CADM1: variants seen among roughly 807,000 people sequenced by gnomAD.
CADM1 encodes the protein cell adhesion molecule 1, also known as TSLC-1.
In CADM1, 15 loss-of-function variants were observed where a neutral mutation model predicts 53.1. The observed-to-expected ratio is 0.28, with a 90% CI of 0.19 to 0.44. The LOEUF is 0.44. CADM1 is among the 20% of genes least tolerant of loss of function. The probability of loss-of-function intolerance (pLI) is 1.00; values close to 1 mark genes in which losing one functional copy is unlikely to be tolerated. For synonymous variants in CADM1, 281 were observed against 243.0 expected (o/e 1.16, Z -1.45); for missense variants, 434 against 611.3 (o/e 0.71, Z 3.06).
chr11:115,382,891 C>T (rs900289586), intron 1 of CADM1, among the ~76,000 whole-genome samples: 3 of 152,010 alleles, frequency 2.0e-5, no homozygotes, highest in African/African-American at 7.3e-5. Flanking sequence ...TAGAGTGAAA[C>T]AAACCAAGTC....
intron 1 of CADM1, among the ~76,000 whole-genome samples, chr11:115,262,374 T>C (rs1474862608): frequency 1.3e-5 from 2 of 152,210 alleles, no homozygotes; most frequent in Admixed American, 1.3e-4. Flanking sequence ...GTTCGTCCCA[T>C]AGAAAACACT....
chr11:115,224,457 T>C (rs1941525373), intron 5 of CADM1, among the ~76,000 whole-genome samples: 1 of 152,182 alleles, frequency 6.6e-6, no homozygotes, highest in African/African-American at 2.4e-5. Context: ...CACCCATTTC[T>C]AGAGTCTTTG....
chr11:115,190,774 T>C (rs1306757106), intron 10 of CADM1, 114 bp downstream of exon 10: 2 of 826,002 alleles, frequency 2.4e-6, no homozygotes, highest in Middle Eastern at 2.2e-4. Flanking sequence ...TTGTTTTTTG[T>C]TAGTCTCAAA....
intron 1 of CADM1, among the ~76,000 whole-genome samples, chr11:115,269,303 G>A (rs555573041): frequency 3.0e-4 from 45 of 152,172 alleles, no homozygotes; most frequent in Middle Eastern, 3.4e-3. Flanking sequence ...ACAAGCTACC[G>A]ACCTGAGAGA....
At chr11:115,216,693 A>G (rs1941201359) in intron 6 of CADM1, among the ~76,000 whole-genome samples, 1 of 152,238 alleles carries the variant, frequency 6.6e-6, no homozygotes, top group Non-Finnish European at 1.5e-5. Context: ...AAGGTCATTT[A>G]AAACTCCACA....
intron 1 of CADM1, among the ~76,000 whole-genome samples, chr11:115,246,517 T>C (rs1457631371): frequency 6.6e-6 from 1 of 152,112 alleles, no homozygotes; most frequent in Non-Finnish European, 1.5e-5. Context: ...TAGAACTGAG[T>C]AGAAAGAAAT....
intron 1 of CADM1, among the ~76,000 whole-genome samples, chr11:115,443,315 G>A (rs220837): frequency 0.15 from 22,442 of 152,142 alleles, 1,820 homozygotes; most frequent in Non-Finnish European, 0.18. Flanking sequence ...CACTCTCTGT[G>A]TTAATTATAC....
chr11:115,347,508 T>C (rs1385860219), intron 1 of CADM1, among the ~76,000 whole-genome samples: 3 of 152,194 alleles, frequency 2.0e-5, no homozygotes, highest in East Asian at 3.8e-4. Flanking sequence ...ACTTAGATAA[T>C]AGAACATTTA....
chr11:115,352,854 CCAGGCCAGG>C (rs1180273411), intron 1 of CADM1, among the ~76,000 whole-genome samples: 1 of 152,048 alleles, frequency 6.6e-6, no homozygotes, highest in Non-Finnish European at 1.5e-5. Flanking sequence ...AGCCAGATTT[CCAGGCCAGG>C]CAGTACAGCT....
At chr11:115,274,180 TTA>T (rs1337098196) in intron 1 of CADM1, among the ~76,000 whole-genome samples, 1 of 152,234 alleles carries the variant, frequency 6.6e-6, no homozygotes, top group Non-Finnish European at 1.5e-5. Flanking sequence ...TTAGTGCTTC[TTA>T]GTTAGTAATC....
At chr11:115,461,162 T>TAA (rs1488345374) in intron 1 of CADM1, among the ~76,000 whole-genome samples, 2 of 152,036 alleles carry the variant, frequency 1.3e-5, no homozygotes, top group Admixed American at 6.6e-5. Flanking sequence ...AGTATATATA[T>TAA]AATAAAGCTC....
intron 1 of CADM1, among the ~76,000 whole-genome samples, chr11:115,406,537 T>C (rs961741189): frequency 1.4e-5 from 2 of 148,136 alleles, no homozygotes; most frequent in South Asian, 4.2e-4. Flanking sequence ...TACATTATAA[T>C]TATATAATGT....
intron 1 of CADM1, among the ~76,000 whole-genome samples, chr11:115,334,879 G>A (rs1194250707): frequency 6.6e-6 from 1 of 152,062 alleles, no homozygotes; most frequent in Non-Finnish European, 1.5e-5. Context: ...CCAAACCAAT[G>A]TCAGCCCTTT....
At chr11:115,245,678 G>A (rs1027275345) in intron 1 of CADM1, among the ~76,000 whole-genome samples, 5 of 152,096 alleles carry the variant, frequency 3.3e-5, no homozygotes, top group Non-Finnish European at 4.4e-5. Context: ...TTCAGGAAAA[G>A]AATGAAAAAA....
chr11:115,349,065 C>A (rs1487047111), intron 1 of CADM1, among the ~76,000 whole-genome samples: 2 of 152,184 alleles, frequency 1.3e-5, no homozygotes, highest in African/African-American at 4.8e-5. Flanking sequence ...ACTCTGTCTT[C>A]CACTTATCTT....
At chr11:115,435,017 T>C (rs1948151328) in intron 1 of CADM1, among the ~76,000 whole-genome samples, 1 of 151,832 alleles carries the variant, frequency 6.6e-6, no homozygotes, top group Non-Finnish European at 1.5e-5. Context: ...TGTACCACCA[T>C]GCCCAGCTAA....
chr11:115,177,796 C>CT (rs1939107803), intron 11 of CADM1, among the ~76,000 whole-genome samples: 2 of 152,176 alleles, frequency 1.3e-5, no homozygotes, highest in Non-Finnish European at 2.9e-5. Flanking sequence ...GACAGGCACT[C>CT]TGTATCCTAA....
At chr11:115,238,370 A>T in intron 3 of CADM1, 130 bp downstream of exon 3, 1 of 1,018,124 alleles carries the variant, frequency 9.8e-7, no homozygotes, top group South Asian at 1.3e-5. Context: ...TTTAAAATTC[A>T]GCAAGATGGG....
At chr11:115,400,704 T>C (rs1205866003) in intron 1 of CADM1, among the ~76,000 whole-genome samples, 1 of 125,428 alleles carries the variant, frequency 8.0e-6, no homozygotes, top group African/African-American at 3.1e-5. Flanking sequence ...TATATATATA[T>C]ATGCTTATTT....
Sources: allele counts gnomAD v4.1 joint callset (sites outside exome capture counted in the v4.1 genomes callset), GRCh38; gene constraint gnomAD v4.1.1; transcripts MANE v1.5; gene names NCBI Gene and HGNC (gene_info 2026-07-23, HGNC 2026-07-21).